Variants in ROPN1 observed in about 807,000 individuals in gnomAD.
The protein encoded by ROPN1 is ropporin-1A.
In ROPN1, 14 loss-of-function variants were observed where a neutral mutation model predicts 20.5. That is an observed-to-expected ratio of 0.68 (90% CI 0.45 to 1.07). The LOEUF is 1.07. ROPN1 is among the 50% of genes least tolerant of loss of function. The pLI, the probability that ROPN1 is intolerant of heterozygous loss-of-function variation, is 0.00. For missense variants in ROPN1, 169 were observed against 242.8 expected (o/e 0.70, Z 2.02); for synonymous variants, 76 against 95.7 (o/e 0.79, Z 1.20).
intron 1 of ROPN1, among the ~76,000 whole-genome samples, chr3:123,984,769 C>T (rs1401662087): frequency 6.6e-6 from 1 of 152,156 alleles, no homozygotes; most frequent in East Asian, 1.9e-4. Context: ...ATTATATATC[C>T]AAAGCTTAAC....
intron 4 of ROPN1, chr3:123,974,609 G>T (rs1192077801): frequency 2.0e-5 from 3 of 152,372 alleles, no homozygotes; most frequent in South Asian, 2.1e-4. Flanking sequence ...ATACCATTTG[G>T]TTTTGGCAGA....
chr3:123,980,287 A>T (rs966969632), intron 2 of ROPN1, 79 bp downstream of exon 2: 1 of 1,369,294 alleles, frequency 7.3e-7, no homozygotes, highest in African/African-American at 1.4e-5. Context: ...AGCTGCAGCC[A>T]TGACAACCTC....
intron 5 of ROPN1, 59 bp from the exon 6 acceptor site, chr3:123,969,280 A>G: frequency 7.6e-7 from 1 of 1,309,572 alleles, no homozygotes; most frequent in East Asian, 2.3e-5. Flanking sequence ...TAAGAAAGAC[A>G]ATATGCAAAC....
At chr3:123,986,975 C>T (rs983610809) in intron 1 of ROPN1, among the ~76,000 whole-genome samples, 2 of 152,208 alleles carry the variant, frequency 1.3e-5, no homozygotes, top group South Asian at 4.1e-4. Context: ...TCAGACCAGC[C>T]CCATCTGATG....
At chr3:123,990,261 G>A (rs751597420) in intron 1 of ROPN1, among the ~76,000 whole-genome samples, 4 of 151,946 alleles carry the variant, frequency 2.6e-5, no homozygotes, top group Non-Finnish European at 5.9e-5. Context: ...ACAGGATTTG[G>A]TAACTACTGA....
intron 1 of ROPN1, among the ~76,000 whole-genome samples, chr3:123,984,571 G>A (rs976959962): frequency 6.6e-6 from 1 of 152,138 alleles, no homozygotes; most frequent in Non-Finnish European, 1.5e-5. Flanking sequence ...CCTGTTCAGT[G>A]TGTCCAGATC....
chr3:123,969,049 T>C lies in ROPN1; in HGVS notation c.*106A>G, dbSNP rs1472704524. ...TCATATGTTTAATTGTTTATTAGTG[T>C]GTACCAGTTGTACAAGAAAATTGAT... On this transcript the variant is annotated 3_prime_UTR_variant, in exon 6 of 6. Coordinates refer to ENST00000405845, the MANE Select transcript of ROPN1 (RefSeq NM_001317774.2). 4 of 850,216 alleles carry C rather than the reference T, an allele frequency of 4.7e-6. No homozygotes were observed. In the Admixed American group the frequency reaches 7.4e-5, roughly 16 times the overall value. The allele number at this position is 850,216 out of a possible 1,614,324, so 52.7% of individuals were successfully genotyped here. A position where few individuals can be genotyped will look rare whatever the true frequency, so the allele number is the denominator to read the frequency against.
At chr3:123,971,841 C>G (rs1559821058) in intron 4 of ROPN1, among the ~76,000 whole-genome samples, 1 of 152,104 alleles carries the variant, frequency 6.6e-6, no homozygotes, top group African/African-American at 2.4e-5. Flanking sequence ...ATTGTTCCCC[C>G]TAAAGTTCAT....
chr3:123,977,632 G>A (rs1429640449), intron 2 of ROPN1, among the ~76,000 whole-genome samples: 1 of 152,234 alleles, frequency 6.6e-6, no homozygotes, highest in African/African-American at 2.4e-5. Flanking sequence ...GAGGCTTGGG[G>A]CTTCAAGAGG....
intron 1 of ROPN1, among the ~76,000 whole-genome samples, chr3:123,988,353 T>G (rs1577377661): frequency 6.6e-6 from 1 of 151,818 alleles, no homozygotes; most frequent in Non-Finnish European, 1.5e-5. Flanking sequence ...ACCATGTTGG[T>G]CAGGCTGACA....
At chr3:123,975,862 C>CA (rs1342551437) in intron 3 of ROPN1, 2 of 370,622 alleles carry the variant, frequency 5.4e-6, no homozygotes, top group African/African-American at 4.3e-5. Flanking sequence ...CCTTATATGA[C>CA]AGATAGAAGA....
chr3:123,974,615 G>C (rs1168422888), intron 4 of ROPN1: 1 of 152,378 alleles, frequency 6.6e-6, no homozygotes, highest in Non-Finnish European at 1.5e-5. Flanking sequence ...TTTGGTTTTG[G>C]CAGAGGCAAT....
intron 1 of ROPN1, among the ~76,000 whole-genome samples, chr3:123,988,283 C>CT (rs2038314917): frequency 6.6e-6 from 1 of 152,054 alleles, no homozygotes; most frequent in Non-Finnish European, 1.5e-5. Flanking sequence ...ATAGCTGGGA[C>CT]TACAGGTGTG....
chr3:123,969,916 T>C (rs2037881235), intron 5 of ROPN1, 126 bp downstream of exon 5: 1 of 896,160 alleles, frequency 1.1e-6, no homozygotes, highest in South Asian at 2.0e-5. Context: ...AGATCATCCA[T>C]ATTTCATGTT....
chr3:123,991,794 C>T (rs1476614898), intron 1 of ROPN1, 128 bp downstream of exon 1: 1 of 152,476 alleles, frequency 6.6e-6, no homozygotes, highest in Non-Finnish European at 1.5e-5. Context: ...CTTGCCTTCC[C>T]CTTGCCCTGT....
chr3:123,971,371 A>T (rs1325180584), intron 4 of ROPN1, among the ~76,000 whole-genome samples: 2 of 152,254 alleles, frequency 1.3e-5, no homozygotes, highest in East Asian at 3.8e-4. Flanking sequence ...AATAATTATT[A>T]ATTTTAATTG....
chr3:123,979,396 C>T (rs1202440267), intron 2 of ROPN1: 5 of 345,524 alleles, frequency 1.4e-5, no homozygotes, highest in Non-Finnish European at 5.7e-6. Context: ...CTCACTCTCA[C>T]TTTCCCACTG....
intron 5 of ROPN1, 106 bp downstream of exon 5, chr3:123,969,936 A>C: frequency 9.2e-6 from 10 of 1,083,792 alleles, no homozygotes; most frequent in Non-Finnish European, 1.3e-5. Context: ...TTCTCACAAT[A>C]CTTTTCTGTT....
At chr3:123,973,376 T>C (rs1167463067) in intron 4 of ROPN1, among the ~76,000 whole-genome samples, 1 of 152,164 alleles carries the variant, frequency 6.6e-6, no homozygotes, top group Non-Finnish European at 1.5e-5. Context: ...CTCTTAGAAT[T>C]GGAGGAGCTC....
Sources: allele counts gnomAD v4.1 joint callset (sites outside exome capture counted in the v4.1 genomes callset), GRCh38; gene constraint gnomAD v4.1.1; transcripts MANE v1.5; gene names NCBI Gene and HGNC (gene_info 2026-07-23, HGNC 2026-07-21).